The following TPH2 variants were observed in gnomAD, a reference collection of about 807,000 sequenced individuals.
The protein encoded by TPH2 is tryptophan hydroxylase 2.
Under a neutral mutation model 59.1 loss-of-function variants are expected in TPH2, and 27 were observed. The ratio of observed to expected loss-of-function variants is 0.46; its 90% CI spans 0.34 to 0.63. The LOEUF (loss-of-function observed/expected upper bound fraction) is 0.63, where lower values mean the gene tolerates loss of function less well. Among genes scored for constraint, TPH2 ranks in the 30% least tolerant of loss-of-function variants. TPH2 has a pLI of 0.01. For missense variants in TPH2, 523 were observed against 588.3 expected (o/e 0.89, Z 1.15); for synonymous variants, 220 against 210.5 (o/e 1.05, Z -0.39).
At chr12:71,956,666 G>A (rs1376815856) in intron 5 of TPH2, among the ~76,000 whole-genome samples, 1 of 151,662 alleles carries the variant, frequency 6.6e-6, no homozygotes, top group Non-Finnish European at 1.5e-5. Flanking sequence ...CTGGAGTGCA[G>A]TGGTATGATT....
intron 5 of TPH2, among the ~76,000 whole-genome samples, chr12:71,957,719 G>A (rs748163675): frequency 6.6e-6 from 1 of 152,186 alleles, no homozygotes; most frequent in Non-Finnish European, 1.5e-5. Context: ...AAAAATAGGG[G>A]TGTGTGGGTG....
chr12:72,008,662 G>A (rs1873019216), intron 8 of TPH2, among the ~76,000 whole-genome samples: 1 of 152,130 alleles, frequency 6.6e-6, no homozygotes, highest in Admixed American at 6.5e-5. Flanking sequence ...ATAAAGGGAG[G>A]CTCAGACAAA....
chr12:71,947,779 G>C (rs1049874127), intron 4 of TPH2, among the ~76,000 whole-genome samples: 1 of 151,956 alleles, frequency 6.6e-6, no homozygotes, highest in African/African-American at 2.4e-5. Flanking sequence ...CGTAATCACC[G>C]CCACACTAAG....
chr12:71,984,541 T>C (rs4760753), intron 7 of TPH2, among the ~76,000 whole-genome samples: 18 of 152,030 alleles, frequency 1.2e-4, no homozygotes, highest in Non-Finnish European at 2.5e-4. Flanking sequence ...TGCTGAAGTC[T>C]TCTCAGCATG....
chr12:71,982,152 C>T (rs1006734536), intron 7 of TPH2, among the ~76,000 whole-genome samples: 2 of 151,234 alleles, frequency 1.3e-5, no homozygotes, highest in African/African-American at 2.4e-5. Context: ...TACAGGCGTG[C>T]AACACCATAC....
In TPH2 at chr12:72,030,762, C is replaced by T. The variant is rs375189958; in HGVS notation, c.1165-496C>T. On this transcript the variant is annotated intron_variant, in intron 9 of 10. Transcript: ENST00000333850. The stretch of plus-strand genomic sequence containing the variant: ...TCCAGACTCTGTTGATACACAGTAC[C>T]TGGCCTCAAAATATCTCCCAATGAA... Among the ~76,000 whole-genome samples, 4 of 152,260 alleles carry T rather than the reference C, an allele frequency of 2.6e-5. No individual in the cohort carries two copies. The East Asian group carries it at 7.7e-4, about 29-fold the overall frequency.
chr12:71,973,611 C>G (rs57706328), intron 6 of TPH2, among the ~76,000 whole-genome samples: 28,294 of 152,070 alleles, frequency 0.19, 3,160 homozygotes, highest in East Asian at 0.34. Context: ...AAATGGGCAA[C>G]CAGCGATCCA....
chr12:72,015,571 G>A (rs571046381), intron 8 of TPH2, among the ~76,000 whole-genome samples: 170 of 152,020 alleles, frequency 1.1e-3, no homozygotes, highest in African/African-American at 3.8e-3. Context: ...CACCCGCGTC[G>A]GTCTCCCAAA....
chr12:71,951,954 G>T (rs1374455098), intron 5 of TPH2, among the ~76,000 whole-genome samples: 1 of 152,158 alleles, frequency 6.6e-6, no homozygotes, highest in Non-Finnish European at 1.5e-5. Flanking sequence ...GAACCTGGGA[G>T]GCAGAGGTTG....
At chr12:71,961,868 G>A (rs1592388499) in intron 5 of TPH2, 2 of 1,123,440 alleles carry the variant, frequency 1.8e-6, no homozygotes, top group East Asian at 6.3e-5. Context: ...AGGTGCAGTA[G>A]TTTATTTTCA....
At chr12:72,010,166 A>C (rs1873062222) in intron 8 of TPH2, among the ~76,000 whole-genome samples, 2 of 152,212 alleles carry the variant, frequency 1.3e-5, no homozygotes, top group African/African-American at 2.4e-5. Flanking sequence ...CTCTCACTCC[A>C]AAGTCAATGC....
At chr12:71,961,824 A>G (rs1399024722) in intron 5 of TPH2, 1 of 1,176,146 alleles carries the variant, frequency 8.5e-7, no homozygotes, top group East Asian at 5.7e-5. Flanking sequence ...AATAATTTCT[A>G]GGAGTTAAAT....
intron 7 of TPH2, among the ~76,000 whole-genome samples, chr12:71,981,612 G>A (rs59895192): frequency 0.19 from 29,345 of 152,094 alleles, 3,267 homozygotes; most frequent in East Asian, 0.34. Context: ...GGGGTGAGAC[G>A]AGGGGAGGGC....
chr12:71,967,660 T>A (rs1417874629), intron 5 of TPH2, among the ~76,000 whole-genome samples: 2 of 152,194 alleles, frequency 1.3e-5, no homozygotes, highest in Non-Finnish European at 2.9e-5. Flanking sequence ...TTTCTAGATA[T>A]CCAATTATAA....
intron 5 of TPH2, among the ~76,000 whole-genome samples, chr12:71,950,625 C>T (rs1871319798): frequency 6.6e-6 from 1 of 152,142 alleles, no homozygotes; most frequent in East Asian, 1.9e-4. Context: ...TCTCTTTCCT[C>T]TGTCTGGTAT....
chr12:71,992,264 G>C (rs1049014939), intron 7 of TPH2, among the ~76,000 whole-genome samples: 2 of 151,844 alleles, frequency 1.3e-5, no homozygotes, highest in African/African-American at 4.8e-5. Context: ...GTGTAGCTTT[G>C]GAGTTCAAAA....
At chr12:71,991,466 A>G (rs369659463) in intron 7 of TPH2, among the ~76,000 whole-genome samples, 2 of 152,206 alleles carry the variant, frequency 1.3e-5, no homozygotes, top group African/African-American at 4.8e-5. Flanking sequence ...TATGTCAATG[A>G]GAGAATACTC....
chr12:71,987,607 G>A (rs1872470163), intron 7 of TPH2, among the ~76,000 whole-genome samples: 1 of 152,164 alleles, frequency 6.6e-6, no homozygotes, highest in Non-Finnish European at 1.5e-5. Flanking sequence ...CTAGCACTTT[G>A]GGAGGCTGAG....
chr12:72,028,305 T>G (rs933704217), intron 9 of TPH2, among the ~76,000 whole-genome samples: 1 of 152,152 alleles, frequency 6.6e-6, no homozygotes, highest in African/African-American at 2.4e-5. Context: ...TTTGGTTCAA[T>G]GTTTACAGAG....
Sources: allele counts gnomAD v4.1 joint callset (sites outside exome capture counted in the v4.1 genomes callset), GRCh38; gene constraint gnomAD v4.1.1; transcripts MANE v1.5; gene names NCBI Gene and HGNC (gene_info 2026-07-23, HGNC 2026-07-21).